The following TNRC6A variants were observed in gnomAD, a reference collection of about 807,000 sequenced individuals.
TNRC6A encodes the protein trinucleotide repeat-containing gene 6A protein.
A neutral mutation model predicts 221.2 loss-of-function variants in TNRC6A; 44 were observed. That is an observed-to-expected ratio of 0.20 (90% CI 0.16 to 0.26). TNRC6A has a LOEUF of 0.26. Ranked by LOEUF, TNRC6A falls within the 10% of genes least tolerant of loss-of-function variation. The pLI is 1.00. For missense variants in TNRC6A, 2,199 were observed against 2,404.4 expected (o/e 0.91, Z 1.79); for synonymous variants, 847 against 838.5 (o/e 1.01, Z -0.18).
At chr16:24,695,040 T>A (rs1052954821) in intron 2 of TNRC6A, among the ~76,000 whole-genome samples, 1 of 152,194 alleles carries the variant, frequency 6.6e-6, no homozygotes, top group Non-Finnish European at 1.5e-5. Context: ...AGCTTTAATT[T>A]GATTCAGAAA....
In TNRC6A at chr16:24,613,089, C is replaced by T. The variant is rs1596532542; in HGVS notation, n.276+2605C>T. 2.4e-5 allele frequency among the ~76,000 whole-genome samples: 3 copies of T among 127,554 alleles called. No homozygotes were observed. In the East Asian group the frequency reaches 7.0e-4, roughly 30 times the overall value. The allele number at this position is 127,554 out of a possible 152,430, so 83.7% of individuals were successfully genotyped here. The stretch of plus-strand genomic sequence containing the variant: ...CGAGATCGCACCATTGCGCTCTAAC[C>T]TGGGTGACAGAGTGAGACTCTGTCT... On this transcript the variant is annotated intron_variant and non_coding_transcript_variant, in intron 1 of 2. Coordinates refer to the TNRC6A transcript ENST00000566108.
chr16:24,729,912 C>A (rs2056581566), intron 1 of TNRC6A, 66 bp downstream of exon 1: 2 of 1,182,132 alleles, frequency 1.7e-6, no homozygotes, highest in Non-Finnish European at 2.1e-6. Flanking sequence ...GGCCCGCAAC[C>A]CGCGGCGGCG....
At chr16:24,636,218 G>T (rs999194317) in intron 1 of TNRC6A, among the ~76,000 whole-genome samples, 1 of 152,052 alleles carries the variant, frequency 6.6e-6, no homozygotes, top group Non-Finnish European at 1.5e-5. Context: ...ATTGTGGGTT[G>T]TTTTTTATAC....
intron 1 of TNRC6A, among the ~76,000 whole-genome samples, chr16:24,623,629 C>T (rs939484172): frequency 9.2e-5 from 14 of 151,950 alleles, no homozygotes; most frequent in Admixed American, 2.6e-4. Context: ...GACATGGTGG[C>T]GCACACCTGT....
At chr16:24,658,068 G>T (rs965752205) in intron 2 of TNRC6A, among the ~76,000 whole-genome samples, 7 of 152,040 alleles carry the variant, frequency 4.6e-5, no homozygotes, top group African/African-American at 1.7e-4. Context: ...TCCGTGCCTG[G>T]ATACAATTTA....
At chr16:24,624,384 A>G (rs929235002) in intron 1 of TNRC6A, among the ~76,000 whole-genome samples, 5 of 152,210 alleles carry the variant, frequency 3.3e-5, no homozygotes, top group Non-Finnish European at 5.9e-5. Flanking sequence ...AAGGAGGGCC[A>G]TTTTTGTCAT....
At chr16:24,635,638 T>C (rs1356690235) in intron 1 of TNRC6A, among the ~76,000 whole-genome samples, 1 of 152,202 alleles carries the variant, frequency 6.6e-6, no homozygotes, top group African/African-American at 2.4e-5. Flanking sequence ...GCACCCATCA[T>C]AGACATCACA....
At chr16:24,725,743 CCTAA>C (rs2056480224), upstream of TNRC6A, among the ~76,000 whole-genome samples, 1 of 151,808 alleles carries the variant, frequency 6.6e-6, no homozygotes. Flanking sequence ...GTGGCTCATG[CCTAA>C]CCCCAGCACT....
chr16:24,742,822 A>G (rs1203849109), intron 2 of TNRC6A, among the ~76,000 whole-genome samples: 4 of 152,078 alleles, frequency 2.6e-5, no homozygotes, highest in African/African-American at 9.7e-5. Context: ...GCTCAGGAGT[A>G]TTGTACAAGT....
rs113013211 is a variant in TNRC6A, at chr16:24,665,031, G to A, written n.402+24022G>A. On this transcript the variant is annotated intron_variant and non_coding_transcript_variant, in intron 2 of 2. Transcript: ENST00000566108. ...TTTGAAGTGGAGAGGCTGATCTGAT[G>A]AGGAGGAAGGACAAACTAACTTATT... 2.8e-3 allele frequency: 1,255 copies of A among 453,396 alleles called. 20 individuals carry two copies. The highest frequency in any genetic ancestry group is 0.023 in the African/African-American group (1,128 of 50,004). The allele number at this position is 453,396 out of a possible 1,614,324, so 28.1% of individuals were successfully genotyped here.
intron 1 of TNRC6A, among the ~76,000 whole-genome samples, chr16:24,614,744 T>C (rs1900253563): frequency 6.6e-6 from 1 of 152,188 alleles, no homozygotes; most frequent in South Asian, 2.1e-4. Context: ...TGGGGCTTAT[T>C]TGGGAAACAG....
intron 2 of TNRC6A, among the ~76,000 whole-genome samples, chr16:24,732,731 C>G (rs560297063): frequency 6.6e-6 from 1 of 152,228 alleles, no homozygotes; most frequent in Non-Finnish European, 1.5e-5. Flanking sequence ...GAGGGTTGTT[C>G]TGTGCATCAC....
chr16:24,678,994 AT>A (rs10556464), intron 2 of TNRC6A, among the ~76,000 whole-genome samples: 3,783 of 135,816 alleles, frequency 0.028, 115 homozygotes, highest in African/African-American at 0.084. Flanking sequence ...AAAACATTGA[AT>A]TTTTTTTTTT....
At chr16:24,766,674 CTT>C (rs397972605) in intron 4 of TNRC6A, among the ~76,000 whole-genome samples, 133 of 121,374 alleles carry the variant, frequency 1.1e-3, no homozygotes, top group African/African-American at 1.8e-3. Context: ...TTCTTTTTAT[CTT>C]TTTTTTTTTT....
intron 2 of TNRC6A, among the ~76,000 whole-genome samples, chr16:24,702,727 T>C (rs1293913666): frequency 2.0e-5 from 3 of 151,966 alleles, no homozygotes; most frequent in Non-Finnish European, 2.9e-5. Flanking sequence ...CACAGTGAGA[T>C]GCTAACTCTA....
chr16:24,623,924 A>G (rs1417604265), intron 1 of TNRC6A, among the ~76,000 whole-genome samples: 1 of 151,144 alleles, frequency 6.6e-6, no homozygotes. Context: ...AAAAAAAAAA[A>G]AAAAAAGAAT....
At chr16:24,766,444 C>T (rs2057472654) in intron 4 of TNRC6A, among the ~76,000 whole-genome samples, 1 of 152,042 alleles carries the variant, frequency 6.6e-6, no homozygotes, top group South Asian at 2.1e-4. Flanking sequence ...GCAGTTTCTC[C>T]AGCTAATTCA....
chr16:24,800,285 A>T (rs1055239853), intron 11 of TNRC6A, among the ~76,000 whole-genome samples: 2 of 152,232 alleles, frequency 1.3e-5, no homozygotes, highest in African/African-American at 2.4e-5. Flanking sequence ...GGAGAGACAC[A>T]TACCGCATCC....
chr16:24,625,496 C>T (rs988533842), intron 1 of TNRC6A, among the ~76,000 whole-genome samples: 5 of 152,066 alleles, frequency 3.3e-5, no homozygotes, highest in Admixed American at 1.3e-4. Context: ...GAGGCCGAGG[C>T]GGGTGGATCA....
Sources: allele counts gnomAD v4.1 joint callset (sites outside exome capture counted in the v4.1 genomes callset), GRCh38; gene constraint gnomAD v4.1.1; transcripts MANE v1.5; gene names NCBI Gene and HGNC (gene_info 2026-07-23, HGNC 2026-07-21).